The following DPYD variants were observed in gnomAD, a reference collection of about 807,000 sequenced individuals.
DPYD encodes the protein dihydropyrimidine dehydrogenase [NADP(+)].
A neutral mutation model predicts 116.2 loss-of-function variants in DPYD; 109 were observed. The ratio of observed to expected loss-of-function variants is 0.94; its 90% confidence interval spans 0.80 to 1.10. DPYD has a LOEUF of 1.10. Among genes scored for constraint, DPYD ranks in the 50% least tolerant of loss-of-function variants. DPYD has a pLI of 0.00. For missense variants in DPYD, 1,302 were observed against 1,254.5 expected (o/e 1.04, Z -0.57); for synonymous variants, 440 against 432.0 (o/e 1.02, Z -0.23).
intron 20 of DPYD, among the ~76,000 whole-genome samples, chr1:97,118,359 C>A (rs1386360104): frequency 6.6e-6 from 1 of 152,064 alleles, no homozygotes; most frequent in East Asian, 1.9e-4. Context: ...CGTTAACCTT[C>A]TGCTTAAACT....
At chr1:97,203,532 G>A (rs999611373) in intron 19 of DPYD, among the ~76,000 whole-genome samples, 4 of 151,080 alleles carry the variant, frequency 2.6e-5, no homozygotes, top group African/African-American at 9.7e-5. Flanking sequence ...AATGCTAGAT[G>A]ACGAGTTAGT....
intron 18 of DPYD, among the ~76,000 whole-genome samples, chr1:97,257,452 T>TATAGAGAGAGAGAGAGAGAG (rs375490078): frequency 1.5e-4 from 19 of 126,468 alleles, no homozygotes; most frequent in African/African-American, 3.2e-4. Context: ...TATATATATA[T>TATAGAGAGAGAGAGAGAGAG]AGAGAGAGAG....
At chr1:97,467,630 T>C (rs958462344) in intron 13 of DPYD, among the ~76,000 whole-genome samples, 1 of 152,194 alleles carries the variant, frequency 6.6e-6, no homozygotes, top group Non-Finnish European at 1.5e-5. Context: ...GCTATCAGGT[T>C]GTCAGTGTTT....
chr1:97,475,529 G>A (rs2101865290), intron 13 of DPYD, among the ~76,000 whole-genome samples: 1 of 152,294 alleles, frequency 6.6e-6, no homozygotes, highest in African/African-American at 2.4e-5. Context: ...TATATTGGGA[G>A]AAAAGGATTA....
At chr1:97,486,183 GT>G (rs1224053708) in intron 13 of DPYD, among the ~76,000 whole-genome samples, 1 of 152,028 alleles carries the variant, frequency 6.6e-6, no homozygotes, top group Non-Finnish European at 1.5e-5. Context: ...TTAAATGCTT[GT>G]TTTTGAAATT....
At chr1:97,437,457 T>C (rs1675530051) in intron 14 of DPYD, among the ~76,000 whole-genome samples, 1 of 151,952 alleles carries the variant, frequency 6.6e-6, no homozygotes, top group African/African-American at 2.4e-5. Flanking sequence ...TTGATGAAAA[T>C]ATGAGTTAGT....
intron 11 of DPYD, among the ~76,000 whole-genome samples, chr1:97,556,111 CT>C (rs1038355223): frequency 1.3e-5 from 2 of 152,146 alleles, no homozygotes; most frequent in African/African-American, 4.8e-5. Flanking sequence ...TAAGGAGGTC[CT>C]TACTCTCAGG....
chr1:97,836,600 C>T (rs1438821016), intron 2 of DPYD, among the ~76,000 whole-genome samples: 2 of 151,892 alleles, frequency 1.3e-5, no homozygotes, highest in African/African-American at 2.4e-5. Context: ...AAACAATTAA[C>T]ATATGAATAT....
intron 8 of DPYD, among the ~76,000 whole-genome samples, chr1:97,650,152 A>G (rs1276938883): frequency 6.6e-6 from 1 of 151,644 alleles, no homozygotes; most frequent in East Asian, 1.9e-4. Flanking sequence ...AGCCCCTTAC[A>G]TTTCTGCTTT....
intron 4 of DPYD, among the ~76,000 whole-genome samples, chr1:97,732,598 T>C (rs1385749807): frequency 6.6e-6 from 1 of 152,134 alleles, no homozygotes; most frequent in East Asian, 1.9e-4. Context: ...ATCTATCCTT[T>C]TCACACCATA....
chr1:97,796,465 C>A (rs941944055), intron 3 of DPYD, among the ~76,000 whole-genome samples: 15 of 152,170 alleles, frequency 9.9e-5, no homozygotes, highest in Non-Finnish European at 2.2e-4. Context: ...TCCTTTATAT[C>A]TTTGATAGAA....
At chr1:97,861,061 G>A (rs1310801629) in intron 2 of DPYD, among the ~76,000 whole-genome samples, 7 of 151,822 alleles carry the variant, frequency 4.6e-5, no homozygotes, top group African/African-American at 7.3e-5. Context: ...TAGAACTGAC[G>A]TTACAGACAG....
chr1:97,698,574 G>A (rs1034832668), intron 6 of DPYD, among the ~76,000 whole-genome samples: 10 of 151,752 alleles, frequency 6.6e-5, no homozygotes, highest in Admixed American at 6.6e-4. Context: ...GTTAAGCATA[G>A]AAACAGATAT....
At chr1:97,663,098 T>C (rs533274739) in intron 8 of DPYD, among the ~76,000 whole-genome samples, 1 of 152,208 alleles carries the variant, frequency 6.6e-6, no homozygotes, top group African/African-American at 2.4e-5. Context: ...TACTAGCAAA[T>C]AGCGAGGAGA....
rs2102252175 is a variant in DPYD at position 97,593,243 on chromosome 1, A to G, written c.1103T>C (p.Val368Ala). Residue 368 changes from valine to alanine, a missense_variant, in exon 10 of 23, where the codon GTT becomes GCT. By Grantham distance (64) the Val-to-Ala change is moderately conservative. Coordinates refer to ENST00000370192, the MANE Select transcript of DPYD (RefSeq NM_000110.4). ...RVFIVFRKGF[V>A]NIRAVPEEME... ...CTCCTCAGGGACAGCTCTTATATTA[A>G]CAAAGCCTTTTCTGAAGACGATGAA... is the stretch of plus-strand genomic sequence containing the variant. 1 of 1,614,124 alleles carries G rather than the reference A, an allele frequency of 6.2e-7. No homozygotes were observed. The highest frequency in any genetic ancestry group is 2.2e-5 in the East Asian group (1 of 44,864).
chr1:97,825,474 T>G (rs1015388929), intron 3 of DPYD, among the ~76,000 whole-genome samples: 1 of 151,864 alleles, frequency 6.6e-6, no homozygotes, highest in African/African-American at 2.4e-5. Flanking sequence ...AGAACACCAC[T>G]GTGGGGACCT....
chr1:97,539,166 A>C (rs1414980884), intron 12 of DPYD, among the ~76,000 whole-genome samples: 1 of 152,154 alleles, frequency 6.6e-6, no homozygotes, highest in Non-Finnish European at 1.5e-5. Context: ...GGCTGCTAAT[A>C]AACAATATTC....
intron 14 of DPYD, among the ~76,000 whole-genome samples, chr1:97,449,189 G>A (rs371012998): frequency 1.3e-5 from 2 of 152,050 alleles, no homozygotes; most frequent in East Asian, 3.9e-4. Flanking sequence ...GTATATTTAA[G>A]TGTTGTCTTT....
chr1:97,197,611 G>A (rs1658906069), intron 19 of DPYD, among the ~76,000 whole-genome samples: 1 of 152,144 alleles, frequency 6.6e-6, no homozygotes, highest in African/African-American at 2.4e-5. Flanking sequence ...CCTCAAACAT[G>A]GCACAATTTG....
Sources: gnomAD v4.1 joint callset for allele counts (sites outside exome capture counted in the v4.1 genomes callset) on GRCh38, gnomAD v4.1.1 for gene constraint, MANE v1.5 for transcripts, NCBI Gene and HGNC (gene_info 2026-07-23, HGNC 2026-07-21) for gene names.